Variants in TAFA1 observed in about 807,000 individuals in gnomAD.
TAFA1 encodes TAFA chemokine like family member 1.
Under a neutral mutation model 18.5 loss-of-function variants are expected in TAFA1, and 4 were observed. That is an observed-to-expected ratio of 0.22 (90% CI 0.11 to 0.49). The LOEUF is 0.49. TAFA1 is among the 20% of genes least tolerant of loss of function. The probability of loss-of-function intolerance (pLI) is 0.98; values close to 1 mark genes in which losing one functional copy is unlikely to be tolerated. For missense variants in TAFA1, 147 were observed against 169.0 expected, an observed-to-expected ratio of 0.87 and a Z score of 0.72; for synonymous variants, 56 against 55.2, an observed-to-expected ratio of 1.01 and a Z score of -0.06.
At chr3:68,451,739 A>G (rs1367022169) in intron 3 of TAFA1, among the ~76,000 whole-genome samples, 1 of 152,244 alleles carries the variant, frequency 6.6e-6, no homozygotes, top group African/African-American at 2.4e-5. Context: ...GACTCTCTCC[A>G]CATCATAGGG....
intron 2 of TAFA1, among the ~76,000 whole-genome samples, chr3:68,022,888 T>C (rs1255750705): frequency 2.7e-5 from 4 of 147,328 alleles, no homozygotes; most frequent in Admixed American, 2.0e-4. Flanking sequence ...AAGTGTTTAC[T>C]ATGTGCCTGG....
chr3:68,077,612 T>C (rs2064843261), intron 2 of TAFA1, among the ~76,000 whole-genome samples: 1 of 151,916 alleles, frequency 6.6e-6, no homozygotes, highest in African/African-American at 2.4e-5. Context: ...AAAGATCAGA[T>C]AGTTGTAGAT....
chr3:68,102,430 G>C (rs1173629699), intron 2 of TAFA1, among the ~76,000 whole-genome samples: 1 of 152,010 alleles, frequency 6.6e-6, no homozygotes, highest in African/African-American at 2.4e-5. Flanking sequence ...TATGTATATA[G>C]CAAGATTTTT....
In TAFA1 at chr3:68,539,682, GGGGCAT is replaced by G. The variant is rs199655310; in HGVS notation, c.384+806_384+811del. On this transcript the variant is annotated intron_variant, in intron 4 of 4. Coordinates refer to ENST00000478136, the MANE Select transcript of TAFA1 (RefSeq NM_213609.4). ...GTCTCTCTCTGTGTGTGTGTGTGGGGGGGCATGGGGTGGGTGGGTGGGTGTGTGCAT... is the reference window on the plus strand; with the variant it reads ...GTCTCTCTCTGTGTGTGTGTGTGGGGGGGGTGGGTGGGTGGGTGTGTGCAT... 1.0e-3 allele frequency among the ~76,000 whole-genome samples: 14 copies of G among 13,660 alleles called. 1 individual carries two copies. The highest frequency in any genetic ancestry group is 2.3e-3 in the Non-Finnish European group (7 of 2,992). 9.0% of individuals were successfully genotyped at this position (13,660 alleles called of 152,430 possible). A position where few individuals can be genotyped will look rare whatever the true frequency, so the allele number is the denominator to read the frequency against.
Position 68,222,227 on chromosome 3 carries a change from C to T in TAFA1, c.119-195053C>T, listed in dbSNP as rs78804101. 9.3e-3 allele frequency among the ~76,000 whole-genome samples: 1,409 copies of T among 152,250 alleles called. 18 individuals carry two copies. The highest frequency in any genetic ancestry group is 0.032 in the African/African-American group (1,330 of 41,554). Reference sequence around the variant, plus strand: ...TGATGTAGTTTGTCTTGCCCTTTAGCGCAAACTTCATCTGATGTCATTGCC... The same window carrying T: ...TGATGTAGTTTGTCTTGCCCTTTAGTGCAAACTTCATCTGATGTCATTGCC... On this transcript the variant is annotated intron_variant, in intron 2 of 4. Transcript: ENST00000478136.
chr3:68,262,781 C>T (rs2067461479), intron 2 of TAFA1, among the ~76,000 whole-genome samples: 1 of 152,044 alleles, frequency 6.6e-6, no homozygotes, highest in Non-Finnish European at 1.5e-5. Context: ...GATCTACATT[C>T]CTTTGTGTAT....
intron 2 of TAFA1, among the ~76,000 whole-genome samples, chr3:68,370,506 A>ATATATATATATATATATATG (rs1162156955): frequency 2.9e-4 from 22 of 75,102 alleles, no homozygotes; most frequent in East Asian, 6.3e-4. Context: ...ATATATATAT[A>ATATATATATATATATATATG]TATATATATA....
intron 2 of TAFA1, among the ~76,000 whole-genome samples, chr3:68,129,653 A>G (rs1247292085): frequency 6.6e-6 from 1 of 152,174 alleles, no homozygotes; most frequent in East Asian, 1.9e-4. Flanking sequence ...ATTATAACAT[A>G]TTATGTATAT....
chr3:68,184,610 T>G (rs1459341507), intron 2 of TAFA1, among the ~76,000 whole-genome samples: 2 of 152,236 alleles, frequency 1.3e-5, no homozygotes, highest in Admixed American at 1.3e-4. Flanking sequence ...GACTATTGAT[T>G]AGCTCCAATA....
chr3:68,404,355 C>A (rs1182412306), intron 2 of TAFA1, among the ~76,000 whole-genome samples: 2 of 152,124 alleles, frequency 1.3e-5, no homozygotes, highest in Non-Finnish European at 2.9e-5. Context: ...ATGGAATATG[C>A]TAGACATAAG....
Position 68,525,479 on chromosome 3 carries a change from C to A in TAFA1, c.260-13277C>A, listed in dbSNP as rs1575950884. ...TTTTTCTGATAGGTAAAGCTAAATTCTTCCAAATAGTCCAGACAATTCCAC... is the reference window on the plus strand; with the variant it reads ...TTTTTCTGATAGGTAAAGCTAAATTATTCCAAATAGTCCAGACAATTCCAC... On this transcript the variant is annotated intron_variant, in intron 3 of 4. Transcript: ENST00000478136. 2.6e-5 allele frequency among the ~76,000 whole-genome samples: 4 copies of A among 152,118 alleles called. No homozygotes were observed. The East Asian group carries it at 5.8e-4, about 22-fold the overall frequency.
At chr3:68,426,781 T>C (rs897446347) in intron 3 of TAFA1, among the ~76,000 whole-genome samples, 4 of 151,912 alleles carry the variant, frequency 2.6e-5, no homozygotes, top group African/African-American at 9.7e-5. Flanking sequence ...ACAAATTATG[T>C]GCATTATAAT....
At chr3:68,096,837 T>G (rs1241659754) in intron 2 of TAFA1, among the ~76,000 whole-genome samples, 1 of 152,150 alleles carries the variant, frequency 6.6e-6, no homozygotes, top group Admixed American at 6.6e-5. Context: ...CACTTTTATA[T>G]AGCTTAGAAG....
intron 2 of TAFA1, among the ~76,000 whole-genome samples, chr3:68,295,114 C>T (rs1466449364): frequency 1.4e-5 from 1 of 69,364 alleles, no homozygotes; most frequent in Non-Finnish European, 2.7e-5. Context: ...TGAGCCCTAA[C>T]AGTTGAATGA....
chr3:68,168,451 T>C (rs1188567071), intron 2 of TAFA1, among the ~76,000 whole-genome samples: 1 of 152,224 alleles, frequency 6.6e-6, no homozygotes, highest in Non-Finnish European at 1.5e-5. Flanking sequence ...CAAGTGTTAA[T>C]AGTTGATAGT....
intron 2 of TAFA1, among the ~76,000 whole-genome samples, chr3:68,169,913 T>C (rs1420084836): frequency 6.6e-6 from 1 of 152,150 alleles, no homozygotes; most frequent in African/African-American, 2.4e-5. Flanking sequence ...TAGAGAGATA[T>C]TGGCAGTTTA....
intron 2 of TAFA1, among the ~76,000 whole-genome samples, chr3:68,407,038 T>A (rs1387300784): frequency 6.6e-6 from 1 of 152,196 alleles, no homozygotes; most frequent in Non-Finnish European, 1.5e-5. Context: ...TACCTTACTT[T>A]TAGCAATTTT....
At chr3:68,073,813 G>T (rs1278551565) in intron 2 of TAFA1, among the ~76,000 whole-genome samples, 1 of 152,070 alleles carries the variant, frequency 6.6e-6, no homozygotes. Context: ...TGGTGATGAT[G>T]ATATGTATTT....
intron 3 of TAFA1, among the ~76,000 whole-genome samples, chr3:68,479,240 AAAT>A (rs1165725821): frequency 2.3e-5 from 3 of 131,940 alleles, no homozygotes; most frequent in Non-Finnish European, 4.7e-5. Context: ...AAAAAAAAAA[AAAT>A]ATATATATAT....
Sources: allele counts gnomAD v4.1 joint callset (sites outside exome capture counted in the v4.1 genomes callset), GRCh38; gene constraint gnomAD v4.1.1; transcripts MANE v1.5; gene names NCBI Gene and HGNC (gene_info 2026-07-23, HGNC 2026-07-21).